Variants in SLFN12 observed in about 807,000 individuals in gnomAD.
SLFN12 encodes schlafen family member 12.
In SLFN12, 25 loss-of-function variants were observed where a neutral mutation model predicts 29.1. The ratio of observed to expected loss-of-function variants is 0.86; its 90% confidence interval spans 0.63 to 1.20. The LOEUF (loss-of-function observed/expected upper bound fraction) is 1.20, where lower values mean the gene tolerates loss of function less well. Ranked by LOEUF, SLFN12 falls within the 50% of genes most tolerant of loss-of-function variation. The probability of loss-of-function intolerance (pLI) is 0.00; values close to 1 mark genes in which losing one functional copy is unlikely to be tolerated. For synonymous variants in SLFN12, 257 were observed against 238.7 expected (o/e 1.08, Z -0.71); for missense variants, 660 against 666.2 (o/e 0.99, Z 0.10).
Position 35,422,836 on chromosome 17 carries a change from T to G in SLFN12, c.193A>C (p.Asn65His). ...GGGVIKAEIE[N>H]EDYSYTKDGI... is the part of the protein sequence containing the mutation. ...TCTTTTGTATAACTATAGTCTTCATTCTCAATTTCAGCCTTGATCACTCCC... is the reference window on the plus strand; with the variant it reads ...TCTTTTGTATAACTATAGTCTTCATGCTCAATTTCAGCCTTGATCACTCCC... The change falls in exon 2 of 4, where the codon AAT becomes CAT. Residue 65 changes from asparagine to histidine, a missense_variant. Coordinates refer to ENST00000304905, the MANE Select transcript of SLFN12 (RefSeq NM_018042.5). 6.2e-7 allele frequency: 1 copy of G among 1,613,892 alleles called. No individual in the cohort carries two copies. The highest frequency in any genetic ancestry group is 8.5e-7 in the Non-Finnish European group (1 of 1,179,930).
In SLFN12 at chr17:35,422,227, T is replaced by C. The variant is rs1415033747; in HGVS notation, c.802A>G (p.Ile268Val). 3 of 1,614,164 alleles carry C rather than the reference T, an allele frequency of 1.9e-6. No homozygotes were observed. Among genetic ancestry groups the C allele is most frequent in the Non-Finnish European group, 2.5e-6 (3 of 1,180,022 alleles). ...DDLEREIEKSIRKMPVHHFCM... is the reference protein window; with the variant it reads ...DDLEREIEKSVRKMPVHHFCM... ...AAGTGATGCACAGGCATCTTCCTAATGGACTTTTCGATTTCTCTTTCTAAG... is the reference window on the plus strand; with the variant it reads ...AAGTGATGCACAGGCATCTTCCTAACGGACTTTTCGATTTCTCTTTCTAAG... Residue 268 changes from isoleucine (I) to valine (V), a missense_variant, in exon 2 of 4, where the codon ATT (isoleucine) becomes GTT (valine). By Grantham distance (29) the Ile-to-Val change is conservative. Coordinates refer to ENST00000304905, the MANE Select transcript of SLFN12 (RefSeq NM_018042.5).
chr17:35,421,784 C>G (rs181381702), intron 2 of SLFN12, among the ~76,000 whole-genome samples: 104 of 151,850 alleles, frequency 6.8e-4, no homozygotes, highest in African/African-American at 2.5e-3. Flanking sequence ...TCGTGATCCG[C>G]CCGCCTTGGC....
chr17:35,413,282 T>G (rs769966030), intron 3 of SLFN12, among the ~76,000 whole-genome samples: 5 of 151,726 alleles, frequency 3.3e-5, no homozygotes, highest in Non-Finnish European at 5.9e-5. Flanking sequence ...CCAAAAAAAT[T>G]GAAGAGGAGG....
intron 3 of SLFN12, among the ~76,000 whole-genome samples, 159 bp from the exon 4 acceptor site, chr17:35,412,086 A>G (rs1341767181): frequency 6.6e-6 from 1 of 152,140 alleles, no homozygotes; most frequent in Non-Finnish European, 1.5e-5. Context: ...AGAAAGCACC[A>G]ATAAAAGCAG....
chr17:35,419,550 C>T (rs906447449), intron 3 of SLFN12, among the ~76,000 whole-genome samples: 2 of 151,986 alleles, frequency 1.3e-5, no homozygotes, highest in Non-Finnish European at 2.9e-5. Flanking sequence ...CAGGGAAATG[C>T]ACATCACAAA....
intron 2 of SLFN12, 117 bp from the exon 3 acceptor site, chr17:35,420,498 T>G: frequency 1.6e-6 from 1 of 644,770 alleles, no homozygotes; most frequent in Non-Finnish European, 2.6e-6. Flanking sequence ...CAAAAAAAAA[T>G]TAATGTTAGA....
intron 1 of SLFN12, among the ~76,000 whole-genome samples, chr17:35,425,632 T>G (rs1205101385): frequency 2.0e-5 from 3 of 151,940 alleles, no homozygotes; most frequent in Non-Finnish European, 4.4e-5. Context: ...AGTATTTTAT[T>G]ATCTATATGT....
intron 3 of SLFN12, among the ~76,000 whole-genome samples, chr17:35,417,847 A>G (rs1362393405): frequency 6.6e-6 from 1 of 152,060 alleles, no homozygotes; most frequent in African/African-American, 2.4e-5. Context: ...AGAAAATGGA[A>G]CTTTTAAAAA....
At chr17:35,427,351 A>C (rs985226380) in intron 1 of SLFN12, among the ~76,000 whole-genome samples, 6 of 152,100 alleles carry the variant, frequency 3.9e-5, no homozygotes, top group Non-Finnish European at 8.8e-5. Flanking sequence ...AAGCTTCCTA[A>C]TCCACTATTT....
In SLFN12 at chr17:35,423,071, G is replaced by A. The variant is rs368038274; in HGVS notation, c.-40-3C>T. On this transcript the variant is annotated splice_region_variant and splice_polypyrimidine_tract_variant and intron_variant, in intron 1 of 3. Coordinates refer to ENST00000304905, the MANE Select transcript of SLFN12 (RefSeq NM_018042.5). The stretch of plus-strand genomic sequence containing the variant: ...AGTGTCCAAGCAGAAATTCTTTTCT[G>A]TAAAATAGACAGAGCCATTAGAATA... The A allele has an allele frequency of 1.3e-6, 2 of 1,556,474 alleles. No homozygotes were observed. The highest frequency in any genetic ancestry group is 1.4e-5 in the African/African-American group (1 of 73,180).
At chr17:35,423,226 G>A (rs9303687) in intron 1 of SLFN12, among the ~76,000 whole-genome samples, 158 bp from the exon 2 acceptor site, 10,004 of 152,112 alleles carry the variant, frequency 0.066, 1,108 homozygotes, top group African/African-American at 0.23. Context: ...AGCTAAGACC[G>A]CAATAATTTA....
At chr17:35,431,292 G>A (rs148861991) in intron 1 of SLFN12, among the ~76,000 whole-genome samples, 2 of 152,112 alleles carry the variant, frequency 1.3e-5, no homozygotes, top group South Asian at 2.1e-4. Context: ...AAACTTCCTC[G>A]CACTTCAAAG....
intron 1 of SLFN12, among the ~76,000 whole-genome samples, chr17:35,427,200 G>A (rs1245533792): frequency 6.6e-6 from 1 of 152,164 alleles, no homozygotes; most frequent in African/African-American, 2.4e-5. Context: ...GGGCAAGGGT[G>A]AGTAAAAACA....
At chr17:35,420,904 A>G (rs1911587074) in intron 2 of SLFN12, 1 of 152,302 alleles carries the variant, frequency 6.6e-6, no homozygotes, top group African/African-American at 2.4e-5. Flanking sequence ...AAGCGGTTTT[A>G]TAGGAAATAA....
intron 3 of SLFN12, among the ~76,000 whole-genome samples, chr17:35,412,388 A>G (rs1297856232): frequency 6.6e-6 from 1 of 152,102 alleles, no homozygotes; most frequent in Non-Finnish European, 1.5e-5. Flanking sequence ...GAAAATATCA[A>G]CTGGGAGACT....
chr17:35,432,764 A>C (rs1912393028), upstream of SLFN12: 1 of 152,162 alleles, frequency 6.6e-6, no homozygotes, highest in Non-Finnish European at 1.5e-5. Flanking sequence ...GAGAGAAAGC[A>C]GACCGGGATG....
chr17:35,424,380 T>C (rs1911882460), intron 1 of SLFN12, among the ~76,000 whole-genome samples: 1 of 150,866 alleles, frequency 6.6e-6, no homozygotes, highest in Non-Finnish European at 1.5e-5. Context: ...TGTGTAACTT[T>C]TAAGTTAAGA....
At position 35,423,062 on chromosome 17, in the gene SLFN12, T is replaced by A. The variant is rs1429188464; in HGVS notation, c.-34A>T. 6.4e-7 allele frequency: 1 copy of A among 1,563,150 alleles called. No homozygotes were observed. The highest frequency in any genetic ancestry group is 1.9e-5 in the Admixed American group (1 of 52,810). ...CAGCTATGCAGTGTCCAAGCAGAAATTCTTTTCTGTAAAATAGACAGAGCC... is the reference window on the plus strand; with the variant it reads ...CAGCTATGCAGTGTCCAAGCAGAAAATCTTTTCTGTAAAATAGACAGAGCC... On this transcript the variant is annotated 5_prime_UTR_variant, in exon 2 of 4. Coordinates refer to ENST00000304905, the MANE Select transcript of SLFN12 (RefSeq NM_018042.5).
chr17:35,414,288 A>T lies in SLFN12; in HGVS notation c.1148-2361T>A, dbSNP rs1482270746. 2.6e-5 allele frequency among the ~76,000 whole-genome samples: 4 copies of T among 152,122 alleles called. No individual in the cohort carries two copies. In the East Asian group the frequency reaches 7.7e-4, roughly 29 times the overall value. On this transcript the variant is annotated intron_variant, in intron 3 of 3. Coordinates refer to ENST00000304905, the MANE Select transcript of SLFN12 (RefSeq NM_018042.5). ...TAAAAGAATTCAGTAAATTTTCAGA[A>T]TACAAAAATCAGTAGCATTTCCATA...
Sources: gnomAD v4.1 joint callset for allele counts (sites outside exome capture counted in the v4.1 genomes callset) on GRCh38, gnomAD v4.1.1 for gene constraint, MANE v1.5 for transcripts, NCBI Gene and HGNC (gene_info 2026-07-23, HGNC 2026-07-21) for gene names.